KMT2C: variants seen among roughly 807,000 people sequenced by gnomAD.
KMT2C encodes lysine methyltransferase 2C, also known as histone-lysine N-methyltransferase 2C.
In KMT2C, 88 loss-of-function variants were observed where a neutral mutation model predicts 507.9. The observed-to-expected ratio is 0.17, with a 90% confidence interval of 0.15 to 0.21. The LOEUF (loss-of-function observed/expected upper bound fraction) is 0.21. KMT2C is among the 10% of genes least tolerant of loss of function. The pLI, the probability that KMT2C is intolerant of heterozygous loss-of-function variation, is 1.00. For synonymous variants in KMT2C, 2,049 were observed against 2,080.8 expected (o/e 0.98, Z 0.42); for missense variants, 4,954 against 5,957.8 (o/e 0.83, Z 5.55).
At chr7:152,381,009 G>T (rs1441128537) in intron 1 of KMT2C, among the ~76,000 whole-genome samples, 1 of 152,280 alleles carries the variant, frequency 6.6e-6, no homozygotes, top group Non-Finnish European at 1.5e-5. Context: ...TTTATATACT[G>T]GGAAAAAATA....
intron 38 of KMT2C, among the ~76,000 whole-genome samples, chr7:152,175,044 GT>G (rs2093136579): frequency 6.6e-6 from 1 of 152,074 alleles, no homozygotes; most frequent in Non-Finnish European, 1.5e-5. Context: ...AAGACAATTA[GT>G]TTCTATTAAA....
chr7:152,296,295 G>C lies in KMT2C; in HGVS notation c.849+13671C>G, dbSNP rs530097783. On this transcript the variant is annotated intron_variant, in intron 6 of 58. Coordinates refer to ENST00000262189, the MANE Select transcript of KMT2C (RefSeq NM_170606.3). ...CTAAAAATACAAAAATTAACCGGGCGTGGTGGTGGGTGCCTATAATCCCAG... is the reference window on the plus strand; with the variant it reads ...CTAAAAATACAAAAATTAACCGGGCCTGGTGGTGGGTGCCTATAATCCCAG... Among the ~76,000 whole-genome samples the C allele has an allele frequency of 8.6e-5, 13 of 150,312 alleles. No individual in the cohort carries two copies. In the South Asian group the frequency reaches 2.8e-3, roughly 32 times the overall value.
At chr7:152,158,463 T>C (rs922122048) in intron 44 of KMT2C, among the ~76,000 whole-genome samples, 2 of 152,172 alleles carry the variant, frequency 1.3e-5, no homozygotes, top group African/African-American at 4.8e-5. Flanking sequence ...CTAGGTTCCT[T>C]GTCCAGATGT....
At chr7:152,188,514 CTCT>C (rs1397467516) in intron 31 of KMT2C, among the ~76,000 whole-genome samples, 1 of 147,430 alleles carries the variant, frequency 6.8e-6, no homozygotes, top group East Asian at 2.0e-4. Flanking sequence ...AATATTCTTT[CTCT>C]TCATTAAAAA....
intron 26 of KMT2C, among the ~76,000 whole-genome samples, chr7:152,201,691 T>G (rs2094149914): frequency 8.9e-6 from 1 of 112,622 alleles, no homozygotes; most frequent in African/African-American, 3.3e-5. Flanking sequence ...AATTAAATGA[T>G]CGTTTAAAAA....
intron 1 of KMT2C, among the ~76,000 whole-genome samples, chr7:152,409,181 AT>A (rs1422130250): frequency 6.6e-6 from 1 of 151,248 alleles, no homozygotes; most frequent in Non-Finnish European, 1.5e-5. Context: ...TAATTTTTGT[AT>A]TTTTTTTAGG....
Position 152,177,420 on chromosome 7 carries a change from G to A in KMT2C, c.8033C>T (p.Thr2678Ile), listed in dbSNP as rs749652990. The A allele has an allele frequency of 2.5e-6, 4 of 1,614,146 alleles. No homozygotes were observed. Among genetic ancestry groups the A allele is most frequent in the East Asian group, 2.2e-5 (1 of 44,886 alleles). Residue 2678 changes from threonine to isoleucine, a missense_variant, in exon 38 of 59, where the codon ACC becomes ATC. Physicochemically the swap from Thr to Ile is moderately conservative, Grantham distance 89. Transcript: ENST00000262189. ...CTCTAGACCATCAGAAGGCTGGGTG[G>A]TTATCTGTAAATTATCAGACGTTGT... ...SETTSDNLQI[T>I]TQPSDGLEEK...
chr7:152,166,813 G>A (rs2129106422), intron 42 of KMT2C, among the ~76,000 whole-genome samples: 1 of 152,156 alleles, frequency 6.6e-6, no homozygotes, highest in East Asian at 1.9e-4. Flanking sequence ...CAGAAACATG[G>A]TCTTTGCAGT....
Position 152,177,367 on chromosome 7 carries a change from C to T in KMT2C, c.8086G>A (p.Val2696Met). The T allele has an allele frequency of 6.2e-7, 1 of 1,614,154 alleles. No homozygotes were observed. The highest frequency in any genetic ancestry group is 1.1e-5 in the South Asian group (1 of 91,088). Residue 2696 changes from valine to methionine, a missense_variant, in exon 38 of 59, where the codon GTG becomes ATG. This residue lies in a region of KMT2C where 1,689 missense variants were observed against 1,654.3 expected (regional missense o/e 1.02). Coordinates refer to ENST00000262189, the MANE Select transcript of KMT2C (RefSeq NM_170606.3). ...AGGTCTTTAACATCCAGTTCCTTCA[C>T]AGAAGGGTCATCAGAATCAAGTTTT... The part of the protein sequence containing the change: ...EEKLDSDDPS[V>M]KELDVKDLEG...
intron 7 of KMT2C, among the ~76,000 whole-genome samples, chr7:152,268,111 C>G (rs2095889166): frequency 1.3e-5 from 2 of 152,200 alleles, no homozygotes; most frequent in African/African-American, 2.4e-5. Flanking sequence ...GAAACCCCAT[C>G]TCTACTAAAA....
intron 9 of KMT2C, among the ~76,000 whole-genome samples, chr7:152,255,157 A>ATATATATATATGTG (rs767823858): frequency 2.3e-5 from 3 of 128,380 alleles, no homozygotes; most frequent in African/African-American, 9.1e-5. Context: ...ATATATATAT[A>ATATATATATATGTG]TGTGTGTGTG....
At chr7:152,282,569 G>A (rs2096237656) in intron 6 of KMT2C, among the ~76,000 whole-genome samples, 2 of 152,026 alleles carry the variant, frequency 1.3e-5, no homozygotes, top group African/African-American at 4.8e-5. Flanking sequence ...AAAGATGACA[G>A]AAAACAGTAC....
chr7:152,176,321 C>T lies in KMT2C; in HGVS notation c.9132G>A (p.Arg3044=). The T allele has an allele frequency of 6.2e-7, 1 of 1,614,032 alleles. No homozygotes were observed. Among genetic ancestry groups the T allele is most frequent in the Non-Finnish European group, 8.5e-7 (1 of 1,180,016 alleles). ...PQTLAQQNRE[R]PLLLEEQPLL... ...GAGGCTGTTCTTCTAGAAGAAGGGG[C>T]CTCTCTCTATTCTGCTGTGCTAATG... Residue 3044 remains arginine (R), a synonymous_variant, in exon 38 of 59, where the codon AGG becomes AGA. Coordinates refer to ENST00000262189, the MANE Select transcript of KMT2C (RefSeq NM_170606.3).
chr7:152,150,565 A>C (rs972248482), intron 51 of KMT2C, among the ~76,000 whole-genome samples: 3 of 152,208 alleles, frequency 2.0e-5, no homozygotes, highest in African/African-American at 7.2e-5. Context: ...CAGTGAGCCA[A>C]GAGGTGCCAA....
rs1392848792 is a variant in KMT2C at position 152,311,865 on chromosome 7, C to G, written c.672G>C (p.Leu224=). 2 of 1,612,032 alleles carry G rather than the reference C, an allele frequency of 1.2e-6. No homozygotes were observed. The highest frequency in any genetic ancestry group is 2.7e-5 in the African/African-American group (2 of 74,904). ...GCCCAACCAGACTGAGTTCATCCCA[C>G]AGTTTACCAGCTTGATCATCTGAAG... is the stretch of plus-strand genomic sequence containing the variant. ...QTASDDQAGK[L]WDELSLVGLP... Residue 224 remains leucine, a synonymous_variant, in exon 5 of 59, where the codon CTG becomes CTC. Transcript: ENST00000262189.
Position 152,195,891 on chromosome 7 carries a change from C to G in KMT2C, c.4378+16G>C, listed in dbSNP as rs372162788. ...CATCAGAAACCAGAAAAAGGGTAAACAGTATTCATATATACCTGAATGATC... is the reference window on the plus strand; with the variant it reads ...CATCAGAAACCAGAAAAAGGGTAAAGAGTATTCATATATACCTGAATGATC... On this transcript the variant is annotated intron_variant, in intron 28 of 58. Coordinates refer to ENST00000262189, the MANE Select transcript of KMT2C (RefSeq NM_170606.3). The G allele has an allele frequency of 7.3e-6, 10 of 1,376,320 alleles. No individual in the cohort carries two copies. In the Admixed American group the frequency reaches 1.6e-4, roughly 22 times the overall value. 85.3% of individuals were successfully genotyped at this position (1,376,320 alleles called of 1,614,324 possible).
chr7:152,267,238 T>C (rs1388011744), intron 7 of KMT2C, among the ~76,000 whole-genome samples: 1 of 152,288 alleles, frequency 6.6e-6, no homozygotes, highest in African/African-American at 2.4e-5. Context: ...ATCTGTATTA[T>C]TGGCCCTAGA....
intron 3 of KMT2C, among the ~76,000 whole-genome samples, chr7:152,325,089 T>G (rs1348612933): frequency 1.3e-5 from 2 of 152,032 alleles, no homozygotes; most frequent in African/African-American, 2.4e-5. Flanking sequence ...GTCATTTATC[T>G]TTTTACTCTT....
intron 21 of KMT2C, 80 bp downstream of exon 21, chr7:152,222,493 G>A (rs1056110995): frequency 1.5e-6 from 1 of 662,526 alleles, no homozygotes; most frequent in African/African-American, 1.8e-5. Flanking sequence ...GTAGAGCTAA[G>A]CTAATTCATT....
Sources: gnomAD v4.1 joint callset for allele counts (sites outside exome capture counted in the v4.1 genomes callset) on GRCh38, gnomAD v4.1.1 for gene constraint, gnomAD v4.1.1 regional missense constraint, MANE v1.5 for transcripts, NCBI Gene and HGNC (gene_info 2026-07-23, HGNC 2026-07-21) for gene names.